The following UMPS variants were observed in gnomAD, a reference collection of about 807,000 sequenced individuals.
The protein encoded by UMPS is uridine monophosphate synthetase, also known as uridine 5'-monophosphate synthase.
In UMPS, 21 loss-of-function variants were observed where a neutral mutation model predicts 38.9. That is an observed-to-expected ratio of 0.54 (90% confidence interval 0.38 to 0.78). UMPS has a LOEUF of 0.78. Ranked by LOEUF, UMPS falls within the 30% of genes least tolerant of loss-of-function variation. The probability of loss-of-function intolerance (pLI) is 0.00; values close to 1 mark genes in which losing one functional copy is unlikely to be tolerated. For missense variants in UMPS, 533 were observed against 591.6 expected, an observed-to-expected ratio of 0.90 and a Z score of 1.03; for synonymous variants, 208 against 219.3, an observed-to-expected ratio of 0.95 and a Z score of 0.45.
Position 124,737,594 on chromosome 3 carries a change from A to C in UMPS, c.337A>C (p.Ile113Leu). The C allele has an allele frequency of 6.2e-7, 1 of 1,614,238 alleles. No homozygotes were observed. The highest frequency in any genetic ancestry group is 8.5e-7 in the Non-Finnish European group (1 of 1,180,042). ...AACTAAGCGTCTTGTAGAAGGAACT[A>C]TTAATCCAGGAGAAACCTGTTTAAT... ...YGTKRLVEGT[I>L]NPGETCLIIE... Residue 113 changes from isoleucine to leucine, a missense_variant, in exon 3 of 6, where the codon ATT becomes CTT. By Grantham distance (5) the Ile-to-Leu change is conservative. Coordinates refer to ENST00000232607, the MANE Select transcript of UMPS (RefSeq NM_000373.4).
intron 1 of UMPS, among the ~76,000 whole-genome samples, chr3:124,731,071 A>T (rs555492825): frequency 6.6e-6 from 1 of 152,024 alleles, no homozygotes; most frequent in Non-Finnish European, 1.5e-5. Context: ...CTCTACAAAA[A>T]ATTAGCTGGG....
chr3:124,746,909 C>T lies in UMPS; in HGVS notation c.*2825C>T, dbSNP rs1342211003. The T allele has an allele frequency of 4.4e-6, 2 of 453,828 alleles. No homozygotes were observed. The highest frequency in any genetic ancestry group is 3.1e-5 in the South Asian group (2 of 64,460). 28.1% of individuals were successfully genotyped at this position (453,828 alleles called of 1,614,324 possible). A position where few individuals can be genotyped will look rare whatever the true frequency, so the allele number is the denominator to read the frequency against. On this transcript the variant is annotated 3_prime_UTR_variant, in exon 6 of 6. Coordinates refer to ENST00000232607, the MANE Select transcript of UMPS (RefSeq NM_000373.4). Reference sequence around the variant, plus strand: ...AATCGTAAAGGGATATGCTCAGTCTCACAGCCAGCCTGTGGATCTCAGTCC... The same window carrying T: ...AATCGTAAAGGGATATGCTCAGTCTTACAGCCAGCCTGTGGATCTCAGTCC...
intron 2 of UMPS, among the ~76,000 whole-genome samples, chr3:124,736,168 CAGGAGGATGCCTTGAGCCCAGGA>C (rs1370065677): frequency 6.6e-6 from 1 of 152,002 alleles, no homozygotes; most frequent in African/African-American, 2.4e-5. Context: ...GAGGCTGAGG[CAGGAGGATGCCTTGAGCCCAGGA>C]GCTGAAGGTT....
At chr3:124,740,442 A>G (rs998623345) in intron 4 of UMPS, among the ~76,000 whole-genome samples, 10 of 152,226 alleles carry the variant, frequency 6.6e-5, no homozygotes, top group African/African-American at 2.4e-4. Flanking sequence ...AGACCCAGAT[A>G]GTTAGTCAAA....
chr3:124,734,166 CAT>C (rs2063500082), intron 1 of UMPS, among the ~76,000 whole-genome samples: 2 of 151,782 alleles, frequency 1.3e-5, no homozygotes, highest in African/African-American at 4.8e-5. Flanking sequence ...TTAAAATAGT[CAT>C]AGTTTTTTTT....
rs771705786 is a variant in UMPS, at chr3:124,740,004, T to C, written c.983-20T>C. The C allele has an allele frequency of 6.2e-7, 1 of 1,613,902 alleles. No homozygotes were observed. Among genetic ancestry groups the C allele is most frequent in the East Asian group, 2.2e-5 (1 of 44,888 alleles). On this transcript the variant is annotated intron_variant, in intron 3 of 5. Transcript: ENST00000232607. ...TTTGTTTGAAAATCAGCAAATATCT[T>C]TTTTCCCCCTTCTTCTTAGGAGGTA...
Position 124,743,933 on chromosome 3 carries a change from A to G in UMPS, c.1292A>G (p.Gln431Arg). The G allele has an allele frequency of 6.2e-7, 1 of 1,614,210 alleles. No homozygotes were observed. The highest frequency in any genetic ancestry group is 2.2e-5 in the East Asian group (1 of 44,880). ...LEAGGDNLGQ[Q>R]YNSPQEVIGK... is the part of the protein sequence containing the mutation. ...CTTGCAGGAGATAATCTTGGCCAAC[A>G]GTACAATAGCCCACAAGAAGTTATT... Residue 431 changes from glutamine to arginine, a missense_variant, in exon 6 of 6, where the codon CAG becomes CGG. Coordinates refer to ENST00000232607, the MANE Select transcript of UMPS (RefSeq NM_000373.4).
At chr3:124,740,294 G>A in intron 4 of UMPS, 95 bp downstream of exon 4, 2 of 1,318,020 alleles carry the variant, frequency 1.5e-6, no homozygotes, top group Non-Finnish European at 2.1e-6. Flanking sequence ...TGGAACCTCT[G>A]CCAAAAAAAA....
rs1441263520 is a variant in UMPS, at chr3:124,742,149, T to C, written c.1159-3T>C. On this transcript the variant is annotated splice_polypyrimidine_tract_variant and splice_region_variant and intron_variant, in intron 4 of 5. Transcript: ENST00000232607. ...ATAATATGTCCTATTACATTCCATT[T>C]AGGTTAGAATGGCTGAGGAGCACTC... is the stretch of plus-strand genomic sequence containing the variant. 6.2e-7 allele frequency: 1 copy of C among 1,605,904 alleles called. No individual in the cohort carries two copies. Among genetic ancestry groups the C allele is most frequent in the Admixed American group, 1.7e-5 (1 of 60,004 alleles).
At chr3:124,743,808 G>T (rs906032435) in intron 5 of UMPS, 107 bp from the exon 6 acceptor site, 1 of 1,405,856 alleles carries the variant, frequency 7.1e-7, no homozygotes, top group Non-Finnish European at 9.8e-7. Context: ...ACGAAAGTAG[G>T]GGCATGTTTT....
rs746442557 is a variant in UMPS at position 124,744,057 on chromosome 3, A to T, written c.1416A>T (p.Glu472Asp). 1 of 1,614,036 alleles carries T rather than the reference A, an allele frequency of 6.2e-7. No individual in the cohort carries two copies. The highest frequency in any genetic ancestry group is 1.3e-5 in the African/African-American group (1 of 74,938). ...AGATGTACAGAAAAGCTGCTTGGGA[A>T]GCGTATTTGAGTAGACTTGGTGTTT... is the stretch of plus-strand genomic sequence containing the variant. ...AAEMYRKAAW[E>D]AYLSRLGV The change falls in exon 6 of 6, where the codon GAA becomes GAT. Residue 472 changes from glutamate (E) to aspartate (D), a missense_variant. By Grantham distance (45) the Glu-to-Asp change is conservative. Coordinates refer to ENST00000232607, the MANE Select transcript of UMPS (RefSeq NM_000373.4).
intron 2 of UMPS, 108 bp from the exon 3 acceptor site, chr3:124,737,460 A>T: frequency 9.8e-7 from 1 of 1,021,778 alleles, no homozygotes; most frequent in Non-Finnish European, 1.5e-6. Flanking sequence ...GTATACACAT[A>T]TACTGTATGT....
intron 4 of UMPS, 122 bp from the exon 5 acceptor site, chr3:124,742,029 AC>A: frequency 1.2e-6 from 1 of 815,016 alleles, no homozygotes; most frequent in East Asian, 2.5e-5. Context: ...CAGCCAGGGA[AC>A]ATAGGGAGAC....
At chr3:124,735,320 G>A in intron 2 of UMPS, 74 bp downstream of exon 2, 2 of 1,376,346 alleles carry the variant, frequency 1.5e-6, no homozygotes, top group Non-Finnish European at 2.0e-6. Context: ...TTCCGCTTCT[G>A]TGCACTAATG....
rs2150904131 is a variant in UMPS, at chr3:124,746,275, A to T, written c.*2191A>T. ...TCACCCAGCCCCTGCCACTTACTGAAAGTGTAGGTCCTTGTGCCCCACACC... is the reference window on the plus strand; with the variant it reads ...TCACCCAGCCCCTGCCACTTACTGATAGTGTAGGTCCTTGTGCCCCACACC... On this transcript the variant is annotated 3_prime_UTR_variant, in exon 6 of 6. Coordinates refer to ENST00000232607, the MANE Select transcript of UMPS (RefSeq NM_000373.4). The T allele has an allele frequency of 2.2e-6, 1 of 453,954 alleles. No individual in the cohort carries two copies. Among genetic ancestry groups the T allele is most frequent in the East Asian group, 6.9e-5 (1 of 14,390 alleles). The allele number at this position is 453,954 out of a possible 1,614,324, so 28.1% of individuals were successfully genotyped here.
Position 124,742,136 on chromosome 3 carries a change from A to G in UMPS, c.1159-16A>G, listed in dbSNP as rs780897374. The G allele has an allele frequency of 7.6e-6, 12 of 1,568,640 alleles. No homozygotes were observed. Among genetic ancestry groups the G allele is most frequent in the South Asian group, 2.2e-5 (2 of 90,150 alleles). On this transcript the variant is annotated splice_polypyrimidine_tract_variant and intron_variant, in intron 4 of 5. Transcript: ENST00000232607. ...TAACTGTTTTCTTATAATATGTCCT[A>G]TTACATTCCATTTAGGTTAGAATGG...
chr3:124,737,541 G>C (rs1233560443), intron 2 of UMPS, 27 bp from the exon 3 acceptor site: 9 of 1,612,654 alleles, frequency 5.6e-6, no homozygotes, highest in Admixed American at 1.7e-5. Flanking sequence ...TTTAAATTTG[G>C]AATCAGCAAA....
intron 4 of UMPS, among the ~76,000 whole-genome samples, chr3:124,741,552 C>T (rs2063557041): frequency 6.6e-6 from 1 of 152,196 alleles, no homozygotes; most frequent in Non-Finnish European, 1.5e-5. Flanking sequence ...CTGTTCTTTA[C>T]ATGACAGCTG....
chr3:124,743,632 C>T (rs975141807), intron 5 of UMPS, among the ~76,000 whole-genome samples: 1 of 150,408 alleles, frequency 6.6e-6, no homozygotes, highest in Non-Finnish European at 1.5e-5. Context: ...AGCGAGACTC[C>T]GTCTCAAAAA....
Sources: allele counts gnomAD v4.1 joint callset (sites outside exome capture counted in the v4.1 genomes callset), GRCh38; gene constraint gnomAD v4.1.1; transcripts MANE v1.5; gene names NCBI Gene and HGNC (gene_info 2026-07-23, HGNC 2026-07-21).